Variants in PTPRM observed in about 807,000 individuals in gnomAD.
PTPRM encodes the protein protein tyrosine phosphatase receptor type M, also known as receptor-type tyrosine-protein phosphatase mu.
PTPRM carries 47 observed loss-of-function variants against 186.7 expected under a neutral mutation model. That is an observed-to-expected ratio of 0.25 (90% CI 0.20 to 0.32). The LOEUF is 0.32. Ranked by LOEUF, PTPRM falls within the 10% of genes least tolerant of loss-of-function variation. PTPRM has a pLI of 1.00. For synonymous variants in PTPRM, 668 were observed against 674.9 expected (o/e 0.99, Z 0.16); for missense variants, 1,494 against 1,865.0 (o/e 0.80, Z 3.66).
At chr18:8,335,748 G>A (rs146520444) in intron 22 of PTPRM, among the ~76,000 whole-genome samples, 118 of 152,308 alleles carry the variant, frequency 7.7e-4, no homozygotes, top group African/African-American at 2.6e-3. Flanking sequence ...ATGGCCAGGC[G>A]TGGCAGCTCA....
chr18:8,302,763 G>A (rs1240974638), intron 20 of PTPRM, among the ~76,000 whole-genome samples: 1 of 151,942 alleles, frequency 6.6e-6, no homozygotes, highest in Non-Finnish European at 1.5e-5. Context: ...TGGATGATGG[G>A]CAGTTGAACA....
chr18:7,721,233 T>C (rs2040440725), intron 1 of PTPRM, among the ~76,000 whole-genome samples: 1 of 151,990 alleles, frequency 6.6e-6, no homozygotes, highest in South Asian at 2.1e-4. Flanking sequence ...TAATGATGTT[T>C]GGCATCTTTT....
intron 5 of PTPRM, among the ~76,000 whole-genome samples, chr18:7,935,394 T>G (rs1290397666): frequency 2.0e-5 from 3 of 151,434 alleles, no homozygotes; most frequent in Non-Finnish European, 2.9e-5. Flanking sequence ...CCTTATGTTT[T>G]AACTTAATAT....
rs1388279897 is a variant in PTPRM, at chr18:8,125,999, A to T, written c.2167+11172A>T. Among the ~76,000 whole-genome samples, 33 of 13,732 alleles carry T rather than the reference A, an allele frequency of 2.4e-3. 1 individual carries two copies. The highest frequency in any genetic ancestry group is 4.3e-3 in the African/African-American group (30 of 6,988). 9.0% of individuals were successfully genotyped at this position (13,732 alleles called of 152,430 possible). On this transcript the variant is annotated intron_variant, in intron 13 of 32. Coordinates refer to ENST00000580170, the MANE Select transcript of PTPRM (RefSeq NM_001105244.2). ...TACATATATATATATATATATATAT[A>T]TATATATATATATATATATATATAT...
At chr18:7,755,740 A>T (rs953666253) in intron 1 of PTPRM, among the ~76,000 whole-genome samples, 1 of 152,140 alleles carries the variant, frequency 6.6e-6, no homozygotes, top group African/African-American at 2.4e-5. Context: ...AGGTTACACT[A>T]ATTATATTTG....
At chr18:8,397,289 C>T (rs1323826845) in intron 32 of PTPRM, among the ~76,000 whole-genome samples, 4 of 152,232 alleles carry the variant, frequency 2.6e-5, no homozygotes, top group South Asian at 4.1e-4. Flanking sequence ...CCTGCCAGGG[C>T]GGGTGAGCAC....
chr18:7,801,102 T>G (rs183100989), intron 2 of PTPRM, among the ~76,000 whole-genome samples: 1 of 152,158 alleles, frequency 6.6e-6, no homozygotes, highest in Admixed American at 6.5e-5. Flanking sequence ...TAGGCTGCAT[T>G]AAATTTATTT....
At chr18:7,998,561 G>A (rs1422575588) in intron 7 of PTPRM, among the ~76,000 whole-genome samples, 1 of 151,810 alleles carries the variant, frequency 6.6e-6, no homozygotes, top group Non-Finnish European at 1.5e-5. Flanking sequence ...GGACTAATAG[G>A]AAAAAAGCAT....
chr18:7,929,587 C>T (rs547348218), intron 5 of PTPRM, among the ~76,000 whole-genome samples: 4 of 152,262 alleles, frequency 2.6e-5, no homozygotes, highest in Admixed American at 2.0e-4. Context: ...AGTTTATTTT[C>T]CCTGGTTGGG....
chr18:8,024,168 T>C (rs1450351554), intron 7 of PTPRM, among the ~76,000 whole-genome samples: 1 of 152,176 alleles, frequency 6.6e-6, no homozygotes, highest in Non-Finnish European at 1.5e-5. Context: ...TTGAGCTCTG[T>C]TTTTGTTTTA....
intron 29 of PTPRM, among the ~76,000 whole-genome samples, chr18:8,383,928 A>T (rs1473970439): frequency 2.0e-5 from 3 of 152,198 alleles, no homozygotes; most frequent in African/African-American, 7.2e-5. Flanking sequence ...GGGCCTGATG[A>T]GAGTTCCCTT....
intron 1 of PTPRM, among the ~76,000 whole-genome samples, chr18:7,576,570 G>T (rs989938643): frequency 1.3e-5 from 2 of 152,106 alleles, no homozygotes; most frequent in South Asian, 4.1e-4. Context: ...CGACTTCCTG[G>T]GCTCAAGCAG....
intron 24 of PTPRM, among the ~76,000 whole-genome samples, chr18:8,375,835 C>T (rs2095691151): frequency 1.3e-5 from 2 of 152,310 alleles, no homozygotes; most frequent in African/African-American, 4.8e-5. Context: ...CAAACATCAT[C>T]CCCCTTTCAT....
chr18:8,089,196 T>A (rs1349657094), intron 11 of PTPRM, among the ~76,000 whole-genome samples: 1 of 152,218 alleles, frequency 6.6e-6, no homozygotes, highest in Non-Finnish European at 1.5e-5. Flanking sequence ...CTCAGCTCTG[T>A]TCTTTGAATG....
chr18:8,295,476 G>A (rs1393310640), intron 19 of PTPRM, among the ~76,000 whole-genome samples: 2 of 152,044 alleles, frequency 1.3e-5, no homozygotes, highest in Admixed American at 6.6e-5. Flanking sequence ...CATGTTCTCT[G>A]GCCCCAAAGC....
At chr18:8,239,267 T>C (rs1222312315) in intron 14 of PTPRM, among the ~76,000 whole-genome samples, 1 of 151,352 alleles carries the variant, frequency 6.6e-6, no homozygotes, top group African/African-American at 2.4e-5. Context: ...GTTCTTGCGA[T>C]AGTTTACTGA....
intron 32 of PTPRM, chr18:8,403,446 A>C (rs2095883152): frequency 6.6e-6 from 1 of 152,118 alleles, no homozygotes; most frequent in Non-Finnish European, 1.5e-5. Flanking sequence ...ATCAGTTTCC[A>C]GTGTTTTGCA....
At chr18:8,258,971 GAC>G (rs1384090444) in intron 19 of PTPRM, among the ~76,000 whole-genome samples, 1 of 151,844 alleles carries the variant, frequency 6.6e-6, no homozygotes, top group Non-Finnish European at 1.5e-5. Context: ...TTGTTTTTGA[GAC>G]AGTGTCTTGC....
intron 14 of PTPRM, among the ~76,000 whole-genome samples, chr18:8,187,083 G>T (rs771212881): frequency 6.6e-6 from 1 of 152,076 alleles, no homozygotes; most frequent in Non-Finnish European, 1.5e-5. Flanking sequence ...GGGATTACAG[G>T]CGCATGCCAC....
Sources: allele counts gnomAD v4.1 joint callset (sites outside exome capture counted in the v4.1 genomes callset), GRCh38; gene constraint gnomAD v4.1.1; transcripts MANE v1.5; gene names NCBI Gene and HGNC (gene_info 2026-07-23, HGNC 2026-07-21).